ARHGAP26: variants seen among roughly 807,000 people sequenced by gnomAD.
ARHGAP26 encodes rho GTPase-activating protein 26.
In ARHGAP26, 38 loss-of-function variants were observed where a neutral mutation model predicts 104.8. The observed-to-expected ratio is 0.36, with a 90% CI of 0.28 to 0.48. ARHGAP26 has a LOEUF of 0.48. ARHGAP26 is among the 20% of genes least tolerant of loss of function. The pLI, the probability that ARHGAP26 is intolerant of heterozygous loss-of-function variation, is 0.99. For missense variants in ARHGAP26, 704 were observed against 947.9 expected, an observed-to-expected ratio of 0.74 and a Z score of 3.38; for synonymous variants, 341 against 340.0, an observed-to-expected ratio of 1.00 and a Z score of -0.03.
intron 1 of ARHGAP26, among the ~76,000 whole-genome samples, chr5:142,795,849 T>G (rs887598271): frequency 6.6e-6 from 1 of 152,180 alleles, no homozygotes; most frequent in Admixed American, 6.5e-5. Flanking sequence ...AGGTAAGTTA[T>G]GATGGAATGG....
chr5:143,012,798 C>T (rs556362433), intron 11 of ARHGAP26, among the ~76,000 whole-genome samples: 23 of 150,606 alleles, frequency 1.5e-4, no homozygotes, highest in Admixed American at 3.3e-4. Flanking sequence ...GGACTACAGG[C>T]GCCCGCCACC....
At chr5:142,914,398 T>G (rs1350063415) in intron 10 of ARHGAP26, among the ~76,000 whole-genome samples, 2 of 152,286 alleles carry the variant, frequency 1.3e-5, no homozygotes, top group Non-Finnish European at 2.9e-5. Flanking sequence ...TTGACTTTGC[T>G]GCTTAGTAGC....
intron 20 of ARHGAP26, among the ~76,000 whole-genome samples, chr5:143,162,274 A>AACACACACACAC (rs771590759): frequency 7.2e-5 from 6 of 83,676 alleles, no homozygotes; most frequent in African/African-American, 3.5e-4. Flanking sequence ...TCTACTCCCA[A>AACACACACACAC]ACACACACAT....
intron 1 of ARHGAP26, among the ~76,000 whole-genome samples, chr5:142,858,482 T>G (rs558375516): frequency 6.6e-6 from 1 of 152,320 alleles, no homozygotes; most frequent in African/African-American, 2.4e-5. Flanking sequence ...GATGGCTGTT[T>G]TGTCTACATT....
chr5:142,975,223 A>G (rs1772890567), intron 11 of ARHGAP26, among the ~76,000 whole-genome samples: 1 of 152,066 alleles, frequency 6.6e-6, no homozygotes, highest in Non-Finnish European at 1.5e-5. Flanking sequence ...AAAGCTGCTC[A>G]CCCCTCCTAG....
chr5:142,913,166 G>A (rs1040430437), intron 9 of ARHGAP26, 33 bp from the exon 10 acceptor site: 3 of 1,577,052 alleles, frequency 1.9e-6, no homozygotes, highest in African/African-American at 2.7e-5. Flanking sequence ...TCCCATTCTG[G>A]CCTCATCTTG....
intron 1 of ARHGAP26, among the ~76,000 whole-genome samples, chr5:142,778,845 A>T (rs544844377): frequency 6.6e-6 from 1 of 151,726 alleles, no homozygotes. Context: ...AGTATGTTAG[A>T]TTGTTTCTGA....
chr5:142,772,315 CAT>C (rs1013737792), intron 1 of ARHGAP26, among the ~76,000 whole-genome samples: 5 of 152,228 alleles, frequency 3.3e-5, no homozygotes, highest in African/African-American at 9.6e-5. Context: ...TTACCTGAAA[CAT>C]ATGAACAGAC....
At chr5:142,865,091 T>G (rs2152323204) in intron 1 of ARHGAP26, among the ~76,000 whole-genome samples, 1 of 152,370 alleles carries the variant, frequency 6.6e-6, no homozygotes, top group Non-Finnish European at 1.5e-5. Context: ...GACCTTCTGC[T>G]GTCTTATCAT....
intron 17 of ARHGAP26, among the ~76,000 whole-genome samples, chr5:143,074,475 A>G (rs1056235630): frequency 1.3e-5 from 2 of 152,246 alleles, no homozygotes; most frequent in Non-Finnish European, 1.5e-5. Flanking sequence ...CTATAAGCTA[A>G]TAATTTTTCT....
intron 17 of ARHGAP26, among the ~76,000 whole-genome samples, chr5:143,097,427 G>A (rs1403764601): frequency 6.7e-6 from 1 of 150,326 alleles, no homozygotes; most frequent in African/African-American, 2.4e-5. Flanking sequence ...GAAATTCCCT[G>A]TGAGTACATT....
At chr5:143,173,301 A>C (rs1400128403) in intron 20 of ARHGAP26, 2 of 153,256 alleles carry the variant, frequency 1.3e-5, no homozygotes, top group Non-Finnish European at 2.9e-5. Context: ...CTCCCAAAGC[A>C]CTAGGATTAC....
chr5:142,974,617 G>A (rs1772788141), intron 11 of ARHGAP26, among the ~76,000 whole-genome samples: 1 of 152,166 alleles, frequency 6.6e-6, no homozygotes, highest in Admixed American at 6.5e-5. Context: ...CATCATGGGT[G>A]GATGAGGAAG....
At chr5:142,972,588 A>T (rs76676503) in intron 11 of ARHGAP26, among the ~76,000 whole-genome samples, 4 of 152,178 alleles carry the variant, frequency 2.6e-5, no homozygotes, top group Non-Finnish European at 5.9e-5. Context: ...ACATATATGT[A>T]GTAAAGCAGT....
intron 20 of ARHGAP26, among the ~76,000 whole-genome samples, chr5:143,192,012 C>T (rs992713221): frequency 1.3e-5 from 2 of 152,214 alleles, no homozygotes; most frequent in African/African-American, 4.8e-5. Context: ...CTGGTAGATC[C>T]ATTTCCATTC....
chr5:142,994,455 A>G lies in ARHGAP26; in HGVS notation c.1108-19625A>G, dbSNP rs1315253529. On this transcript the variant is annotated intron_variant, in intron 11 of 22. Transcript: ENST00000645722. ...CATTATGCTGTTAAGGGGTGACGCA[A>G]CCATAAAGGATTTGAGCAGAAGTGA... is the stretch of plus-strand genomic sequence containing the variant. Among the ~76,000 whole-genome samples, 4 of 152,306 alleles carry G rather than the reference A, an allele frequency of 2.6e-5. No individual in the cohort carries two copies. In the East Asian group the frequency reaches 7.7e-4, roughly 29 times the overall value.
chr5:142,966,655 A>G (rs1771391001), intron 11 of ARHGAP26, among the ~76,000 whole-genome samples: 2 of 152,208 alleles, frequency 1.3e-5, no homozygotes, highest in Non-Finnish European at 2.9e-5. Flanking sequence ...ATGTATTCCA[A>G]GTCTGTAATT....
chr5:143,045,796 G>A (rs528215879), intron 14 of ARHGAP26, among the ~76,000 whole-genome samples: 7 of 152,210 alleles, frequency 4.6e-5, no homozygotes, highest in Admixed American at 4.6e-4. Context: ...TCAGGAGGTC[G>A]AGAGCAGCCA....
chr5:143,145,785 C>G (rs1799080125), intron 19 of ARHGAP26, among the ~76,000 whole-genome samples: 1 of 152,190 alleles, frequency 6.6e-6, no homozygotes, highest in African/African-American at 2.4e-5. Flanking sequence ...CAGGGTTTTT[C>G]TCTCTCCTGT....
Sources: gnomAD v4.1 joint callset for allele counts (sites outside exome capture counted in the v4.1 genomes callset) on GRCh38, gnomAD v4.1.1 for gene constraint, MANE v1.5 for transcripts, NCBI Gene and HGNC (gene_info 2026-07-23, HGNC 2026-07-21) for gene names.